The following GPR107 variants were observed in gnomAD, a reference collection of about 807,000 sequenced individuals.
GPR107 encodes protein GPR107.
In GPR107, 31 loss-of-function variants were observed where a neutral mutation model predicts 75.5. The observed-to-expected ratio is 0.41, with a 90% CI of 0.31 to 0.55. The LOEUF is 0.55. Among genes scored for constraint, GPR107 ranks in the 20% least tolerant of loss-of-function variants. The pLI is 0.26. For missense variants in GPR107, 572 were observed against 665.7 expected (o/e 0.86, Z 1.55); for synonymous variants, 267 against 251.3 (o/e 1.06, Z -0.59).
At chr9:130,125,401 T>C (rs1362708838) in intron 15 of GPR107, among the ~76,000 whole-genome samples, 1 of 56,574 alleles carries the variant, frequency 1.8e-5, no homozygotes, top group South Asian at 4.5e-4. Context: ...GCTTTTTTGC[T>C]TTTTTTTTTT....
At chr9:130,108,697 C>T (rs1393359596) in intron 14 of GPR107, 5 of 455,556 alleles carry the variant, frequency 1.1e-5, no homozygotes, top group Non-Finnish European at 2.2e-5. Context: ...CTGCGACCTG[C>T]ACCAGCTTTT....
Position 130,097,883 on chromosome 9 carries a change from TGTTTTGAGACC to T in GPR107, c.864-1563_864-1553del, listed in dbSNP as rs984304040. Among the ~76,000 whole-genome samples, 110 of 151,944 alleles carry T rather than the reference TGTTTTGAGACC, an allele frequency of 7.2e-4. 1 individual carries two copies. The highest frequency in any genetic ancestry group is 2.5e-3 in the African/African-American group (104 of 41,426). ...CACCACTCCTGGCTTAATTTTTGTT[TGTTTTGAGACC>T]GTTTTGAGACAGGGACTCGCTCTGT... On this transcript the variant is annotated intron_variant, in intron 9 of 17. Transcript: ENST00000347136.
At chr9:130,081,247 C>T (rs1830488380) in intron 5 of GPR107, among the ~76,000 whole-genome samples, 2 of 152,020 alleles carry the variant, frequency 1.3e-5, no homozygotes, top group Non-Finnish European at 2.9e-5. Flanking sequence ...CAATGTTTTT[C>T]TCAAAGGAGG....
intron 3 of GPR107, among the ~76,000 whole-genome samples, 155 bp downstream of exon 3, chr9:130,076,617 C>T (rs1398631821): frequency 1.1e-4 from 16 of 152,030 alleles, no homozygotes; most frequent in African/African-American, 3.4e-4. Flanking sequence ...CAGGCTTAAG[C>T]GATCCTCCCG....
At chr9:130,069,930 A>C (rs1830159235) in intron 1 of GPR107, among the ~76,000 whole-genome samples, 1 of 141,674 alleles carries the variant, frequency 7.1e-6, no homozygotes, top group African/African-American at 2.7e-5. Context: ...GTATCTGCCC[A>C]CCTTGGCCTC....
chr9:130,056,924 C>CAAAAAAAAAAAAAAAAAAAAAAA (rs11442007), intron 1 of GPR107, among the ~76,000 whole-genome samples: 2 of 42,896 alleles, frequency 4.7e-5, no homozygotes, highest in African/African-American at 2.3e-4. Flanking sequence ...GACTCCTTCT[C>CAAAAAAAAAAAAAAAAAAAAAAA]AAAAAAAAAA....
At chr9:130,077,970 C>T (rs572156421) in intron 4 of GPR107, among the ~76,000 whole-genome samples, 1 of 152,220 alleles carries the variant, frequency 6.6e-6, no homozygotes, top group African/African-American at 2.4e-5. Flanking sequence ...TTGAGACCAT[C>T]CTGGCTAAAA....
intron 1 of GPR107, among the ~76,000 whole-genome samples, chr9:130,073,982 C>A (rs1033599149): frequency 5.9e-5 from 9 of 152,184 alleles, no homozygotes; most frequent in African/African-American, 1.4e-4. Context: ...GTCTCGAACT[C>A]CTGACCCCAA....
At chr9:130,062,015 G>C (rs1385881447) in intron 1 of GPR107, among the ~76,000 whole-genome samples, 2 of 152,112 alleles carry the variant, frequency 1.3e-5, no homozygotes, top group African/African-American at 4.8e-5. Context: ...GAAAGAGATT[G>C]ATTGTTCGTG....
chr9:130,102,236 G>C (rs1831049267), intron 12 of GPR107, among the ~76,000 whole-genome samples: 1 of 152,186 alleles, frequency 6.6e-6, no homozygotes, highest in Non-Finnish European at 1.5e-5. Context: ...GACTGTGCCG[G>C]TCTTTCGGCT....
chr9:130,134,642 T>C (rs1451761920), intron 17 of GPR107, among the ~76,000 whole-genome samples: 2 of 152,254 alleles, frequency 1.3e-5, no homozygotes, highest in Non-Finnish European at 2.9e-5. Flanking sequence ...CTTTCTTTTC[T>C]GAATGTCCAT....
intron 7 of GPR107, among the ~76,000 whole-genome samples, chr9:130,087,325 A>G (rs1409738701): frequency 1.3e-5 from 2 of 152,096 alleles, no homozygotes; most frequent in Non-Finnish European, 2.9e-5. Context: ...GATGTGAGCC[A>G]CCTTGCCTGG....
chr9:130,100,835 G>T, intron 11 of GPR107, 133 bp downstream of exon 11: 1 of 707,310 alleles, frequency 1.4e-6, no homozygotes, highest in South Asian at 1.6e-5. Flanking sequence ...CATACCAGAG[G>T]AGTGTAGCTC....
At chr9:130,108,397 T>G (rs544539734) in intron 14 of GPR107, among the ~76,000 whole-genome samples, 5 of 152,364 alleles carry the variant, frequency 3.3e-5, no homozygotes, top group Non-Finnish European at 7.3e-5. Flanking sequence ...AAATGCATAG[T>G]AGCTGTAAAT....
rs781972393 is a variant in GPR107, at chr9:130,135,127, C to T, written c.*6C>T. 1 of 1,546,844 alleles carries T rather than the reference C, an allele frequency of 6.5e-7. No individual in the cohort carries two copies. On this transcript the variant is annotated 3_prime_UTR_variant, in exon 18 of 18. Coordinates refer to ENST00000347136, the MANE Select transcript of GPR107 (RefSeq NM_020960.5). ...AGTGGGAAGGCGCCGTGTGACAGAG[C>T]CGACCCTGAGGATGGCACTGTCCAA...
intron 14 of GPR107, among the ~76,000 whole-genome samples, chr9:130,121,804 G>A (rs1831554676): frequency 6.6e-6 from 1 of 152,212 alleles, no homozygotes; most frequent in Non-Finnish European, 1.5e-5. Context: ...TTCCTTGTCT[G>A]GCTGATTTTC....
At chr9:130,123,133 C>A (rs1831589875) in intron 14 of GPR107, among the ~76,000 whole-genome samples, 1 of 152,214 alleles carries the variant, frequency 6.6e-6, no homozygotes, top group Non-Finnish European at 1.5e-5. Flanking sequence ...CAACCTCAAT[C>A]TCCAGTGTTC....
rs918613559 is a variant in GPR107, at chr9:130,085,616, A to G, written c.565-804A>G. Among the ~76,000 whole-genome samples, 4 of 152,166 alleles carry G rather than the reference A, an allele frequency of 2.6e-5. No individual in the cohort carries two copies. The East Asian group carries it at 5.8e-4, about 22-fold the overall frequency. On this transcript the variant is annotated intron_variant, in intron 6 of 17. Coordinates refer to ENST00000347136, the MANE Select transcript of GPR107 (RefSeq NM_020960.5). Reference sequence around the variant, plus strand: ...TGTCACTGGGGTATAGATTAGTTTTATAGAACTTCATATAACTGAATTATG... The same window carrying G: ...TGTCACTGGGGTATAGATTAGTTTTGTAGAACTTCATATAACTGAATTATG...
intron 4 of GPR107, 77 bp from the exon 5 acceptor site, chr9:130,079,553 C>G: frequency 8.5e-7 from 1 of 1,173,246 alleles, no homozygotes; most frequent in Non-Finnish European, 1.2e-6. Context: ...GAGCTTGGCA[C>G]AGGGCCTACA....
Sources: gnomAD v4.1 joint callset for allele counts (sites outside exome capture counted in the v4.1 genomes callset) on GRCh38, gnomAD v4.1.1 for gene constraint, MANE v1.5 for transcripts, NCBI Gene and HGNC (gene_info 2026-07-23, HGNC 2026-07-21) for gene names.